Variants in BAZ1A observed in about 807,000 individuals in gnomAD.
BAZ1A encodes bromodomain adjacent to zinc finger domain 1A.
Under a neutral mutation model 185.2 loss-of-function variants are expected in BAZ1A, and 50 were observed. The ratio of observed to expected loss-of-function variants is 0.27; its 90% CI spans 0.22 to 0.34. The LOEUF (loss-of-function observed/expected upper bound fraction) is 0.34, where lower values mean the gene tolerates loss of function less well. BAZ1A is among the 10% of genes least tolerant of loss of function. The probability of loss-of-function intolerance (pLI) is 1.00; values close to 1 mark genes in which losing one functional copy is unlikely to be tolerated. For synonymous variants in BAZ1A, 571 were observed against 615.6 expected (o/e 0.93, Z 1.07); for missense variants, 1,356 against 1,839.9 (o/e 0.74, Z 4.81).
In BAZ1A at chr14:34,774,367, A is replaced by G. The variant is rs762661039; in HGVS notation, c.2957T>C (p.Ile986Thr). The change falls in exon 19 of 27, where the codon ATT (isoleucine) becomes ACT (threonine). Residue 986 changes from isoleucine (I) to threonine (T), a missense_variant. Coordinates refer to ENST00000360310, the MANE Select transcript of BAZ1A (RefSeq NM_013448.3). ...TGTTCCTTGGTAGATTCTATCTTCA[A>G]TATCTAAAAGAAAATCTCTCAGCCT... is the stretch of plus-strand genomic sequence containing the variant. ...ELRLRDFLLD[I>T]EDRIYQGTLG... 3.1e-6 allele frequency: 5 copies of G among 1,613,404 alleles called. No homozygotes were observed. In the South Asian group the frequency reaches 3.3e-5, roughly 11 times the overall value.
intron 3 of BAZ1A, among the ~76,000 whole-genome samples, chr14:34,857,987 A>T (rs971456943): frequency 1.3e-5 from 2 of 152,206 alleles, no homozygotes; most frequent in African/African-American, 4.8e-5. Context: ...TGCATTATTT[A>T]TACTTCAACA....
chr14:34,826,510 T>A (rs551168906), intron 3 of BAZ1A, among the ~76,000 whole-genome samples: 160 of 152,316 alleles, frequency 1.1e-3, no homozygotes, highest in Non-Finnish European at 2.0e-3. Flanking sequence ...AGCTACAAAC[T>A]CCCCTCTTAG....
chr14:34,761,353 C>CA (rs1886514140), intron 24 of BAZ1A, among the ~76,000 whole-genome samples: 1 of 152,078 alleles, frequency 6.6e-6, no homozygotes, highest in Non-Finnish European at 1.5e-5. Flanking sequence ...CCCTTTCCCC[C>CA]AAATTCAGTA....
At chr14:34,768,120 CTTGT>C (rs1341013040) in intron 21 of BAZ1A, among the ~76,000 whole-genome samples, 2 of 152,104 alleles carry the variant, frequency 1.3e-5, no homozygotes, top group African/African-American at 2.4e-5. Context: ...CAGAAAATGT[CTTGT>C]TTATCTTTTA....
At chr14:34,766,015 CAAAT>C (rs1475807359) in intron 21 of BAZ1A, among the ~76,000 whole-genome samples, 1 of 152,118 alleles carries the variant, frequency 6.6e-6, no homozygotes, top group Non-Finnish European at 1.5e-5. Context: ...CTATTATTCT[CAAAT>C]AAAACCTCTT....
At chr14:34,783,368 CTTTTT>C (rs201307518) in intron 15 of BAZ1A, 136 bp from the exon 16 acceptor site, 20 of 369,096 alleles carry the variant, frequency 5.4e-5, no homozygotes, top group Middle Eastern at 7.7e-4. Flanking sequence ...CATTCATAAG[CTTTTT>C]TTTTTTTTTT....
chr14:34,793,591 G>C (rs1880991064), intron 11 of BAZ1A, among the ~76,000 whole-genome samples: 1 of 151,816 alleles, frequency 6.6e-6, no homozygotes, highest in African/African-American at 2.4e-5. Context: ...GGTGGATCAC[G>C]AGGTCAGGAG....
intron 23 of BAZ1A, 69 bp downstream of exon 23, chr14:34,764,638 G>C: frequency 1.3e-6 from 2 of 1,532,938 alleles, no homozygotes; most frequent in African/African-American, 2.7e-5. Context: ...TATTCCATTT[G>C]TATTTGAATA....
intron 21 of BAZ1A, among the ~76,000 whole-genome samples, chr14:34,770,936 GAAA>G (rs3062585): frequency 3.3e-5 from 5 of 149,384 alleles, no homozygotes; most frequent in South Asian, 4.2e-4. Context: ...TCAAATAACA[GAAA>G]AAAAAAAAAG....
chr14:34,785,638 G>A, intron 14 of BAZ1A, 139 bp downstream of exon 14: 1 of 666,180 alleles, frequency 1.5e-6, no homozygotes, highest in Non-Finnish European at 2.5e-6. Flanking sequence ...AAGTTAATAT[G>A]AATAATAACA....
intron 12 of BAZ1A, among the ~76,000 whole-genome samples, chr14:34,786,895 A>G (rs1167191590): frequency 6.6e-6 from 1 of 151,936 alleles, no homozygotes; most frequent in African/African-American, 2.4e-5. Context: ...GGCGTGAACC[A>G]TGGTGACCAG....
rs150453067 is a variant in BAZ1A at position 34,813,076 on chromosome 14, T to G, written c.537-2040A>C. On this transcript the variant is annotated intron_variant, in intron 4 of 26. Transcript: ENST00000360310. Reference sequence around the variant, plus strand: ...AGAGGACAGATCAAATAGAGAATTCTAAATGTAAAGAAAGAAGCACTGCTG... The same window carrying G: ...AGAGGACAGATCAAATAGAGAATTCGAAATGTAAAGAAAGAAGCACTGCTG... 1.2e-4 allele frequency among the ~76,000 whole-genome samples: 19 copies of G among 152,260 alleles called. No individual in the cohort carries two copies. In the East Asian group the frequency reaches 3.1e-3, roughly 25 times the overall value.
chr14:34,834,980 T>C (rs1308254514), intron 3 of BAZ1A, among the ~76,000 whole-genome samples: 3 of 152,126 alleles, frequency 2.0e-5, no homozygotes, highest in Non-Finnish European at 2.9e-5. Context: ...AATATGTAAT[T>C]TACATATATG....
chr14:34,839,154 G>A (rs988229647), intron 3 of BAZ1A, among the ~76,000 whole-genome samples: 3 of 152,186 alleles, frequency 2.0e-5, no homozygotes, highest in Non-Finnish European at 2.9e-5. Context: ...GCTAGAAGGT[G>A]AAGCAAGGGT....
At chr14:34,864,920 G>GC (rs1439406886) in intron 2 of BAZ1A, among the ~76,000 whole-genome samples, 1 of 151,802 alleles carries the variant, frequency 6.6e-6, no homozygotes, top group Non-Finnish European at 1.5e-5. Context: ...GGGACTAAAG[G>GC]CACATGCCAC....
In BAZ1A at chr14:34,758,128, A is replaced by C. The variant is rs562976412; in HGVS notation, c.4386+576T>G. 7.3e-5 allele frequency among the ~76,000 whole-genome samples: 11 copies of C among 151,710 alleles called. No individual in the cohort carries two copies. The South Asian group carries it at 2.1e-3, about 29-fold the overall frequency. ...GAGACCCTGTCTCAAAAAAAAAAAA[A>C]AAAAAACAGCTGGACCTGGTGGCAT... On this transcript the variant is annotated intron_variant, in intron 25 of 26. Transcript: ENST00000360310.
At chr14:34,871,062 T>TA (rs959386928) in intron 2 of BAZ1A, among the ~76,000 whole-genome samples, 19 of 151,412 alleles carry the variant, frequency 1.3e-4, no homozygotes, top group Admixed American at 2.0e-4. Flanking sequence ...TCTACATGGC[T>TA]AAAAAAAAAG....
chr14:34,832,177 T>C (rs2042251549), intron 3 of BAZ1A, among the ~76,000 whole-genome samples: 1 of 91,672 alleles, frequency 1.1e-5, no homozygotes, highest in Admixed American at 1.4e-4. Context: ...TGTGTATATA[T>C]ACATATATAC....
intron 4 of BAZ1A, among the ~76,000 whole-genome samples, chr14:34,815,532 A>G (rs1382875038): frequency 6.6e-6 from 1 of 152,234 alleles, no homozygotes; most frequent in Non-Finnish European, 1.5e-5. Flanking sequence ...ACAAGCAAAC[A>G]TCAAATATTG....
Sources: allele counts gnomAD v4.1 joint callset (sites outside exome capture counted in the v4.1 genomes callset), GRCh38; gene constraint gnomAD v4.1.1; transcripts MANE v1.5; gene names NCBI Gene and HGNC (gene_info 2026-07-23, HGNC 2026-07-21).